TIAM2: variants seen among roughly 807,000 people sequenced by gnomAD.
TIAM2 encodes rho guanine nucleotide exchange factor TIAM2.
TIAM2 carries 80 observed loss-of-function variants against 152.9 expected under a neutral mutation model. The observed-to-expected ratio is 0.52, with a 90% CI of 0.44 to 0.63. The LOEUF (loss-of-function observed/expected upper bound fraction) is 0.63. Ranked by LOEUF, TIAM2 falls within the 30% of genes least tolerant of loss-of-function variation. The pLI is 0.00. For missense variants in TIAM2, 1,965 were observed against 2,120.1 expected (o/e 0.93, Z 1.44); for synonymous variants, 804 against 838.0 (o/e 0.96, Z 0.70).
chr6:155,162,793 C>T (rs151254690), intron 7 of TIAM2, among the ~76,000 whole-genome samples: 2 of 152,274 alleles, frequency 1.3e-5, no homozygotes, highest in African/African-American at 2.4e-5. Context: ...TAGGCCACCA[C>T]GTTGCTAATA....
intron 1 of TIAM2, among the ~76,000 whole-genome samples, chr6:155,048,162 A>G (rs1266391245): frequency 6.6e-6 from 1 of 152,178 alleles, no homozygotes; most frequent in African/African-American, 2.4e-5. Context: ...TGTATTGGCC[A>G]GGCTGGTTTT....
At chr6:155,044,342 C>T (rs747374400) in intron 1 of TIAM2, among the ~76,000 whole-genome samples, 12 of 152,154 alleles carry the variant, frequency 7.9e-5, no homozygotes, top group Non-Finnish European at 1.5e-4. Flanking sequence ...CACGATAGGA[C>T]CATACTGCAG....
At chr6:155,002,749 CA>C (rs1200450016) in intron 1 of TIAM2, among the ~76,000 whole-genome samples, 1 of 151,904 alleles carries the variant, frequency 6.6e-6, no homozygotes, top group African/African-American at 2.4e-5. Flanking sequence ...GGTATGATCT[CA>C]GCTCACTGCG....
chr6:155,079,939 C>T (rs569790880), intron 1 of TIAM2, among the ~76,000 whole-genome samples: 1 of 152,192 alleles, frequency 6.6e-6, no homozygotes, highest in African/African-American at 2.4e-5. Context: ...TAGAGTGAGA[C>T]CTTGTCTCAG....
chr6:155,134,932 C>T (rs1332015701), intron 4 of TIAM2, among the ~76,000 whole-genome samples: 1 of 152,054 alleles, frequency 6.6e-6, no homozygotes, highest in Non-Finnish European at 1.5e-5. Context: ...GTCTCGATCT[C>T]CTGACCTCAT....
chr6:155,009,514 G>T (rs952250082), intron 1 of TIAM2, among the ~76,000 whole-genome samples: 2 of 152,148 alleles, frequency 1.3e-5, no homozygotes, highest in African/African-American at 4.8e-5. Context: ...GTGTTCTGGA[G>T]GCTCAGTGTT....
At chr6:155,111,334 C>G (rs923188699) in intron 2 of TIAM2, among the ~76,000 whole-genome samples, 33 of 141,822 alleles carry the variant, frequency 2.3e-4, no homozygotes, top group African/African-American at 8.1e-4. Context: ...CACACACACA[C>G]ACACTCTCCG....
At chr6:155,165,842 CT>C (rs10588095) in intron 9 of TIAM2, among the ~76,000 whole-genome samples, 22,669 of 148,758 alleles carry the variant, frequency 0.15, 1,847 homozygotes, top group African/African-American at 0.22. Context: ...TTAGCATGCA[CT>C]TTTTTTTTTA....
intron 24 of TIAM2, 22 bp downstream of exon 24, chr6:155,253,075 A>G (rs547539324): frequency 1.9e-6 from 3 of 1,592,840 alleles, no homozygotes; most frequent in Non-Finnish European, 2.6e-6. Context: ...GTGCAGTATG[A>G]TGCCAGAAAA....
chr6:155,023,042 G>GTTTTTTT (rs762200760), intron 1 of TIAM2, among the ~76,000 whole-genome samples: 4 of 88,252 alleles, frequency 4.5e-5, no homozygotes, highest in Non-Finnish European at 5.0e-5. Context: ...TTTTTGTTCT[G>GTTTTTTT]TTTTTTTTTT....
In TIAM2 at chr6:155,257,080, G is replaced by A. The variant is rs941498743; in HGVS notation, c.5065G>A (p.Glu1689Lys). 4 of 1,612,906 alleles carry A rather than the reference G, an allele frequency of 2.5e-6. No homozygotes were observed. Among genetic ancestry groups the A allele is most frequent in the Non-Finnish European group, 3.4e-6 (4 of 1,179,520 alleles). Reference sequence around the variant, plus strand: ...CCAGAGTTTAACATCTGTTGTCAGTGAGGAGTGTTTTTATGAAACAGAGAG... The same window carrying A: ...CCAGAGTTTAACATCTGTTGTCAGTAAGGAGTGTTTTTATGAAACAGAGAG... ...SVQSLTSVVS[E>K]ECFYETESHG... The change falls in exon 27 of 27, where the codon GAG (glutamate) becomes AAG (lysine). Residue 1689 changes from glutamate to lysine, a missense_variant. Transcript: ENST00000682666.
intron 1 of TIAM2, among the ~76,000 whole-genome samples, chr6:155,084,769 C>T (rs1406754061): frequency 6.6e-6 from 1 of 152,172 alleles, no homozygotes; most frequent in Non-Finnish European, 1.5e-5. Context: ...GGCAGCTTCT[C>T]TCCCATTCTA....
rs534016105 is a variant in TIAM2, at chr6:155,089,259, C to T, written c.-208-1030C>T. Among the ~76,000 whole-genome samples the T allele has an allele frequency of 2.0e-5, 3 of 152,098 alleles. No homozygotes were observed. In the South Asian group the frequency reaches 6.3e-4, roughly 32 times the overall value. On this transcript the variant is annotated intron_variant, in intron 1 of 26. Coordinates refer to ENST00000682666, the MANE Select transcript of TIAM2 (RefSeq NM_012454.4). ...TGGGGGGATGGAGTCTCTCTGTCACCCAGGCTGGAGTGCAGTGGCGCTATC... is the reference window on the plus strand; with the variant it reads ...TGGGGGGATGGAGTCTCTCTGTCACTCAGGCTGGAGTGCAGTGGCGCTATC...
At chr6:155,232,685 A>T (rs1782532474) in intron 15 of TIAM2, 1 of 150,722 alleles carries the variant, frequency 6.6e-6, no homozygotes, top group Non-Finnish European at 1.5e-5. Context: ...CTATGGCTCA[A>T]CACAGAGTGG....
intron 1 of TIAM2, among the ~76,000 whole-genome samples, chr6:155,058,978 T>G (rs2114935100): frequency 6.6e-6 from 1 of 152,288 alleles, no homozygotes; most frequent in African/African-American, 2.4e-5. Context: ...GCATCTGCCC[T>G]GTAATTTGAA....
intron 1 of TIAM2, among the ~76,000 whole-genome samples, chr6:155,065,725 C>A (rs545029828): frequency 1.3e-5 from 2 of 152,088 alleles, no homozygotes; most frequent in African/African-American, 4.8e-5. Flanking sequence ...GCCCAGAGTG[C>A]GCCACTGCAC....
At chr6:155,111,298 T>TACACACACACACACACAC (rs57988099) in intron 2 of TIAM2, among the ~76,000 whole-genome samples, 2 of 138,328 alleles carry the variant, frequency 1.4e-5, no homozygotes, top group African/African-American at 2.6e-5. Context: ...ATTCTTGGAA[T>TACACACACACACACACAC]ACACACACAC....
intron 1 of TIAM2, among the ~76,000 whole-genome samples, chr6:155,043,408 G>C (rs982203577): frequency 6.6e-6 from 1 of 151,976 alleles, no homozygotes; most frequent in Non-Finnish European, 1.5e-5. Flanking sequence ...AGGTGGGAGG[G>C]ATCACTTGAG....
At chr6:155,099,060 G>A (rs1317467426) in intron 2 of TIAM2, among the ~76,000 whole-genome samples, 1 of 152,142 alleles carries the variant, frequency 6.6e-6, no homozygotes, top group Non-Finnish European at 1.5e-5. Flanking sequence ...GGTGGCACAT[G>A]CCTGTAATCC....
Sources: gnomAD v4.1 joint callset for allele counts (sites outside exome capture counted in the v4.1 genomes callset) on GRCh38, gnomAD v4.1.1 for gene constraint, MANE v1.5 for transcripts, NCBI Gene and HGNC (gene_info 2026-07-23, HGNC 2026-07-21) for gene names.